Variants in LATS2 observed in about 807,000 individuals in gnomAD.
LATS2 encodes large tumor suppressor kinase 2, also known as serine/threonine-protein kinase LATS2.
A neutral mutation model predicts 76.0 loss-of-function variants in LATS2; 24 were observed. The observed-to-expected ratio is 0.32, with a 90% CI of 0.23 to 0.44. LATS2 has a LOEUF of 0.44. LATS2 is among the 20% of genes least tolerant of loss of function. LATS2 has a pLI of 1.00. For missense variants in LATS2, 1,286 were observed against 1,481.2 expected (o/e 0.87, Z 2.16); for synonymous variants, 692 against 635.4 (o/e 1.09, Z -1.34).
intron 2 of LATS2, among the ~76,000 whole-genome samples, chr13:20,995,108 G>T (rs1870693559): frequency 6.6e-6 from 1 of 152,114 alleles, no homozygotes; most frequent in South Asian, 2.1e-4. Flanking sequence ...AAGGCTAATA[G>T]GTTGCTCTAG....
intron 1 of LATS2, among the ~76,000 whole-genome samples, chr13:21,051,334 C>T (rs9509508): frequency 0.56 from 84,560 of 152,076 alleles, 27,256 homozygotes; most frequent in Non-Finnish European, 0.73. Flanking sequence ...GATGGGAAGG[C>T]AGAGGAGAAA....
intron 2 of LATS2, among the ~76,000 whole-genome samples, chr13:21,017,400 C>T (rs534377018): frequency 6.6e-6 from 1 of 151,968 alleles, no homozygotes; most frequent in South Asian, 2.1e-4. Flanking sequence ...GTCTCAAACT[C>T]CTGGCCTCAA....
At chr13:21,007,065 G>A (rs557974436) in intron 2 of LATS2, among the ~76,000 whole-genome samples, 7 of 152,270 alleles carry the variant, frequency 4.6e-5, no homozygotes, top group Non-Finnish European at 1.0e-4. Context: ...ATTCGGTAAA[G>A]TATACAAATA....
intron 2 of LATS2, among the ~76,000 whole-genome samples, chr13:21,004,510 G>A (rs1046687621): frequency 9.9e-5 from 15 of 152,020 alleles, no homozygotes; most frequent in African/African-American, 2.9e-4. Context: ...CAGTCCTAGT[G>A]TTTTGTATAG....
At chr13:21,039,756 A>G (rs1872802827) in intron 2 of LATS2, among the ~76,000 whole-genome samples, 1 of 152,234 alleles carries the variant, frequency 6.6e-6, no homozygotes, top group Non-Finnish European at 1.5e-5. Context: ...TGCCCAATGC[A>G]TGGAGCATCC....
chr13:21,040,340 G>A (rs1194034697), intron 2 of LATS2, among the ~76,000 whole-genome samples: 3 of 148,908 alleles, frequency 2.0e-5, no homozygotes, highest in African/African-American at 2.5e-5. Context: ...CCGAGATTGC[G>A]CCACTGCACT....
intron 2 of LATS2, among the ~76,000 whole-genome samples, chr13:21,010,371 C>A (rs1389446997): frequency 6.6e-6 from 1 of 152,020 alleles, no homozygotes; most frequent in African/African-American, 2.4e-5. Context: ...GCCCCAGGGA[C>A]AAACCCCCAG....
chr13:21,003,392 T>G (rs2138322724), intron 2 of LATS2, among the ~76,000 whole-genome samples: 1 of 151,988 alleles, frequency 6.6e-6, no homozygotes, highest in East Asian at 1.9e-4. Flanking sequence ...TAGCTGGGAC[T>G]ACAGGTGCGC....
chr13:20,974,332 T>G lies in LATS2; in HGVS notation c.*538A>C, dbSNP rs1324946813. 2 of 226,720 alleles carry G rather than the reference T, an allele frequency of 8.8e-6. No homozygotes were observed. The highest frequency in any genetic ancestry group is 1.1e-4 in the Admixed American group (2 of 17,510). The allele number at this position is 226,720 out of a possible 1,614,324, so 14.0% of individuals were successfully genotyped here. A position where few individuals can be genotyped will look rare whatever the true frequency, so the allele number is the denominator to read the frequency against. The stretch of plus-strand genomic sequence containing the variant: ...AAAAGCAGCTTTTAACATTATATCA[T>G]TATATCACAATTTTGAAACATGGGA... On this transcript the variant is annotated 3_prime_UTR_variant, in exon 8 of 8. Transcript: ENST00000382592.
rs1869525286 is a variant in LATS2, at chr13:20,974,939, A to T, written c.3198T>A (p.Ala1066=). The change falls in exon 8 of 8, where the codon GCT becomes GCA. Residue 1066 remains alanine, a synonymous_variant. Coordinates refer to ENST00000382592, the MANE Select transcript of LATS2 (RefSeq NM_014572.3). Reference sequence around the variant, plus strand: ...CAGAGCTTTCTAAATCTGAGCTCTCAGCCTGTGAAGCTTCTGCTCCTGAAG... The same window carrying T: ...CAGAGCTTTCTAAATCTGAGCTCTCTGCCTGTGAAGCTTCTGCTCCTGAAG... ...PKPSGAEASQ[A]ESSDLESSDL... The T allele has an allele frequency of 6.2e-7, 1 of 1,614,078 alleles. No homozygotes were observed. Among genetic ancestry groups the T allele is most frequent in the Admixed American group, 1.7e-5 (1 of 59,998 alleles).
At chr13:21,008,095 C>T (rs1033099047) in intron 2 of LATS2, among the ~76,000 whole-genome samples, 1 of 151,944 alleles carries the variant, frequency 6.6e-6, no homozygotes, top group East Asian at 1.9e-4. Flanking sequence ...CTGGCTCCAC[C>T]GTGGGGAGCC....
In LATS2 at chr13:20,989,397, C is replaced by T. The variant is rs992923668; in HGVS notation, c.476-93G>A. 5.1e-6 allele frequency: 7 copies of T among 1,361,732 alleles called. No individual in the cohort carries two copies. In the African/African-American group the frequency reaches 8.5e-5, roughly 17 times the overall value. 84.4% of individuals were successfully genotyped at this position (1,361,732 alleles called of 1,614,324 possible). A position where few individuals can be genotyped will look rare whatever the true frequency, so the allele number is the denominator to read the frequency against. ...CTGGTCCCCACTCTAGCGCTGCCCT[C>T]GGGGCTGAGGGTCTTGAACCCTGGG... On this transcript the variant is annotated intron_variant, in intron 3 of 7. Transcript: ENST00000382592.
chr13:21,054,970 C>T (rs891912771), intron 1 of LATS2, among the ~76,000 whole-genome samples: 1 of 151,692 alleles, frequency 6.6e-6, no homozygotes, highest in Admixed American at 6.6e-5. Flanking sequence ...AGGGCTGTCC[C>T]TGTCTTAAGT....
chr13:21,019,667 TCA>T (rs1491190612), intron 2 of LATS2, among the ~76,000 whole-genome samples: 80 of 22,434 alleles, frequency 3.6e-3, no homozygotes, highest in African/African-American at 6.8e-3. Context: ...TTTTAATCTC[TCA>T]AAAAAAAAAA....
At chr13:20,981,374 T>G in intron 6 of LATS2, 92 bp downstream of exon 6, 2 of 1,181,348 alleles carry the variant, frequency 1.7e-6, no homozygotes, top group Non-Finnish European at 2.4e-6. Flanking sequence ...ACTGGAAGCA[T>G]TAGGTCCTTG....
In LATS2 at chr13:21,021,474, C is replaced by CAAAAAAA. The variant is rs58976562; in HGVS notation, c.342+24204_342+24210dup. 2.8e-3 allele frequency among the ~76,000 whole-genome samples: 134 copies of CAAAAAAA among 48,368 alleles called. 22 individuals are homozygous for CAAAAAAA. The highest frequency in any genetic ancestry group is 8.6e-3 in the African/African-American group (126 of 14,574). 31.7% of individuals were successfully genotyped at this position (48,368 alleles called of 152,430 possible). On this transcript the variant is annotated intron_variant, in intron 2 of 7. Transcript: ENST00000382592. ...CGGGCAGCAGAGTGAGACTCTGTCT[C>CAAAAAAA]AAAAAAAAAAAAAAAAAAAAAAAAA...
At chr13:21,060,803 T>A (rs1426009568) in intron 1 of LATS2, among the ~76,000 whole-genome samples, 1 of 150,760 alleles carries the variant, frequency 6.6e-6, no homozygotes, top group Non-Finnish European at 1.5e-5. Context: ...CGTGGGACGA[T>A]GGCGCGGCCG....
intron 2 of LATS2, among the ~76,000 whole-genome samples, chr13:21,026,116 A>G (rs1240118728): frequency 6.6e-6 from 1 of 152,218 alleles, no homozygotes; most frequent in Non-Finnish European, 1.5e-5. Flanking sequence ...TCCTCTAGGC[A>G]TAAGAAAGAA....
chr13:20,983,267 G>A lies in LATS2; in HGVS notation c.2439C>T (p.Cys813=), dbSNP rs1869981773. The A allele has an allele frequency of 1.2e-6, 2 of 1,613,940 alleles. No individual in the cohort carries two copies. The highest frequency in any genetic ancestry group is 1.7e-6 in the Non-Finnish European group (2 of 1,179,936). Residue 813 remains cysteine (C), a synonymous_variant, in exon 5 of 8, where the codon TGC becomes TGT. Coordinates refer to ENST00000382592, the MANE Select transcript of LATS2 (RefSeq NM_014572.3). ...GHIKLTDFGL[C]TGFRWTHNSK... Reference sequence around the variant, plus strand: ...AATTGTGAGTCCACCTGAACCCAGTGCAGAGGCCGAAATCTGTGAGTTTAA... The same window carrying A: ...AATTGTGAGTCCACCTGAACCCAGTACAGAGGCCGAAATCTGTGAGTTTAA...
Sources: allele counts gnomAD v4.1 joint callset (sites outside exome capture counted in the v4.1 genomes callset), GRCh38; gene constraint gnomAD v4.1.1; transcripts MANE v1.5; gene names NCBI Gene and HGNC (gene_info 2026-07-23, HGNC 2026-07-21).